ANKRD24: variants seen among roughly 807,000 people sequenced by gnomAD.
The protein encoded by ANKRD24 is ankyrin repeat domain 24.
Under a neutral mutation model 127.8 loss-of-function variants are expected in ANKRD24, and 109 were observed. That is an observed-to-expected ratio of 0.85 (90% CI 0.73 to 1.00). The LOEUF is 1.00. ANKRD24 is among the 50% of genes least tolerant of loss of function. ANKRD24 has a pLI of 0.00. For synonymous variants in ANKRD24, 743 were observed against 671.1 expected (o/e 1.11, Z -1.66); for missense variants, 1,648 against 1,570.2 (o/e 1.05, Z -0.84).
chr19:4,224,181 T>C lies in ANKRD24; in HGVS notation c.3352T>C (p.Tyr1118His), dbSNP rs747860390. 6 of 1,611,758 alleles carry C rather than the reference T, an allele frequency of 3.7e-6. No individual in the cohort carries two copies. In the South Asian group the frequency reaches 4.4e-5, roughly 12 times the overall value. Residue 1118 changes from tyrosine to histidine, a missense_variant, in exon 21 of 22, where the codon TAT (tyrosine) becomes CAT (histidine). Transcript: ENST00000318934. ...VVALYRSHLL[Y>H]AIQGQMDEDV... Reference sequence around the variant, plus strand: ...GGCTTTGTACAGAAGCCACCTCCTATATGCCATTCAGGTGAGTGGCCCAGC... The same window carrying C: ...GGCTTTGTACAGAAGCCACCTCCTACATGCCATTCAGGTGAGTGGCCCAGC...
intron 20 of ANKRD24, 66 bp from the exon 21 acceptor site, chr19:4,224,061 T>C (rs1719584975): frequency 1.4e-5 from 19 of 1,379,900 alleles, no homozygotes; most frequent in Middle Eastern, 1.8e-4. Flanking sequence ...AGGGTGCTTT[T>C]TGGTGTGTTT....
chr19:4,217,289 T>C lies in ANKRD24; in HGVS notation c.2129T>C (p.Leu710Pro), dbSNP rs1384474223. The C allele has an allele frequency of 6.4e-7, 1 of 1,556,948 alleles. No homozygotes were observed. The change falls in exon 18 of 22, where the codon CTA (leucine) becomes CCA (proline). Residue 710 changes from leucine (L) to proline (P), a missense_variant. Transcript: ENST00000318934. ...CCGGGGATCTCTGCTGGCCCCATCC[T>C]ACATCCTGGTGCCGCAGAGGCCTCG... is the stretch of plus-strand genomic sequence containing the variant. ...TVPGISAGPI[L>P]HPGAAEASEK...
Position 4,210,094 on chromosome 19 carries a change from A to C in ANKRD24, c.907A>C (p.Lys303Gln). The stretch of plus-strand genomic sequence containing the variant: ...CAGCCATGGAAAGCAGGGGGCCCCC[A>C]AGAAGCGGAAGGCGCCTCCACCTCC... ...MSSHGKQGAP[K>Q]KRKAPPPPAS... Residue 303 changes from lysine to glutamine, a missense_variant, in exon 12 of 22, where the codon AAG becomes CAG. Lys to Gln is a moderately conservative substitution (Grantham distance 53, BLOSUM62 1). Transcript: ENST00000318934. 6.2e-7 allele frequency: 1 copy of C among 1,612,536 alleles called. No individual in the cohort carries two copies. The highest frequency in any genetic ancestry group is 1.1e-5 in the South Asian group (1 of 90,774).
chr19:4,207,541 A>C lies in ANKRD24; in HGVS notation c.578A>C (p.His193Pro). 1 of 1,613,906 alleles carries C rather than the reference A, an allele frequency of 6.2e-7. No homozygotes were observed. The highest frequency in any genetic ancestry group is 8.5e-7 in the Non-Finnish European group (1 of 1,179,886). Residue 193 changes from histidine (H) to proline (P), a missense_variant, in exon 9 of 22, where the codon CAC (histidine) becomes CCC (proline). Coordinates refer to ENST00000318934, the MANE Select transcript of ANKRD24 (RefSeq NM_001393985.1). ...TPLIIAAQMC[H>P]TDLCRLLLQQ... The stretch of plus-strand genomic sequence containing the variant: ...CTCATTATAGCAGCTCAGATGTGTC[A>C]CACAGACCTGTGCCGTCTCCTACTG...
intron 2 of ANKRD24, among the ~76,000 whole-genome samples, chr19:4,189,592 T>C (rs1800156242): frequency 6.6e-6 from 1 of 151,382 alleles, no homozygotes; most frequent in Admixed American, 6.6e-5. Flanking sequence ...CACTATGTTG[T>C]CCAGGCTGGT....
rs185517400 is a variant in ANKRD24, at chr19:4,201,957, A to C, written c.344-69A>C. 1.7e-5 allele frequency: 23 copies of C among 1,381,450 alleles called. No individual in the cohort carries two copies. In the South Asian group the frequency reaches 2.6e-4, roughly 15 times the overall value. 85.6% of individuals were successfully genotyped at this position (1,381,450 alleles called of 1,614,324 possible). A position where few individuals can be genotyped will look rare whatever the true frequency, so the allele number is the denominator to read the frequency against. ...CAGAAACTCATCACAAGTAGTTGACATGGCTTGGGGAGCAGCTGGGAGCTA... is the reference window on the plus strand; with the variant it reads ...CAGAAACTCATCACAAGTAGTTGACCTGGCTTGGGGAGCAGCTGGGAGCTA... On this transcript the variant is annotated intron_variant, in intron 5 of 21. Transcript: ENST00000318934.
At chr19:4,208,479 C>T (rs754839446) in intron 10 of ANKRD24, among the ~76,000 whole-genome samples, 3 of 152,020 alleles carry the variant, frequency 2.0e-5, no homozygotes, top group East Asian at 3.9e-4. Context: ...GTCGGGGTTT[C>T]GCCACGTTGG....
chr19:4,198,019 G>C lies in ANKRD24; in HGVS notation c.37-1664G>C, dbSNP rs1316788325. 1 of 408,768 alleles carries C rather than the reference G, an allele frequency of 2.4e-6. No individual in the cohort carries two copies. The highest frequency in any genetic ancestry group is 4.3e-6 in the Non-Finnish European group (1 of 231,098). The allele number at this position is 408,768 out of a possible 1,614,324, so 25.3% of individuals were successfully genotyped here. A position where few individuals can be genotyped will look rare whatever the true frequency, so the allele number is the denominator to read the frequency against. ...TGAGTGAATGAATGAAAGTGTGAGT[G>C]GCGAGAGCCCTGCCGGCCGCGTGGA... is the stretch of plus-strand genomic sequence containing the variant. On this transcript the variant is annotated intron_variant, in intron 2 of 21. Coordinates refer to ENST00000318934, the MANE Select transcript of ANKRD24 (RefSeq NM_001393985.1). The surrounding 1 kb of genome is among the most constrained non-coding windows in gnomAD (Gnocchi z 6.1).
Position 4,217,476 on chromosome 19 carries a change from G to A in ANKRD24, c.2316G>A (p.Glu772=). Reference sequence around the variant, plus strand: ...TGCGAGAGCGTGTCCGCGAGGCCGAGGGCAGCGGGGCCAGCGGGGGCGGTG... The same window carrying A: ...TGCGAGAGCGTGTCCGCGAGGCCGAAGGCAGCGGGGCCAGCGGGGGCGGTG... ...GRLRERVREA[E]GSGASGGGGG... is the part of the protein sequence containing the mutation. The change falls in exon 18 of 22, where the codon GAG becomes GAA. Residue 772 remains glutamate (E), a synonymous_variant. Coordinates refer to ENST00000318934, the MANE Select transcript of ANKRD24 (RefSeq NM_001393985.1). 6.9e-7 allele frequency: 1 copy of A among 1,440,696 alleles called. No individual in the cohort carries two copies. The highest frequency in any genetic ancestry group is 9.1e-7 in the Non-Finnish European group (1 of 1,101,792). The allele number at this position is 1,440,696 out of a possible 1,614,324, so 89.2% of individuals were successfully genotyped here.
chr19:4,203,957 CTTTTTTTTTT>C (rs34885254), intron 7 of ANKRD24, among the ~76,000 whole-genome samples: 20 of 62,400 alleles, frequency 3.2e-4, no homozygotes, highest in African/African-American at 1.2e-3. Context: ...GCCCTTCTCC[CTTTTTTTTTT>C]TTTTTTTTTT....
At chr19:4,204,269 CTTT>C (rs1278497182) in intron 7 of ANKRD24, among the ~76,000 whole-genome samples, 1 of 152,034 alleles carries the variant, frequency 6.6e-6, no homozygotes, top group Non-Finnish European at 1.5e-5. Context: ...GGCCCTTCTC[CTTT>C]TTTATTACCT....
chr19:4,203,071 G>C lies in ANKRD24; in HGVS notation c.466+145G>C, dbSNP rs1029652265. ...TTCTTTCTTTTTTTTTTTTTGAGAC[G>C]GAGTCTCACTCTGTTGCCCAGGCTG... On this transcript the variant is annotated intron_variant, in intron 7 of 21. Coordinates refer to ENST00000318934, the MANE Select transcript of ANKRD24 (RefSeq NM_001393985.1). 3.6e-5 allele frequency: 25 copies of C among 692,730 alleles called. No individual in the cohort carries two copies. The African/African-American group carries it at 4.7e-4, about 13-fold the overall frequency. The allele number at this position is 692,730 out of a possible 1,614,324, so 42.9% of individuals were successfully genotyped here.
At chr19:4,221,714 C>T (rs776102078) in intron 19 of ANKRD24, among the ~76,000 whole-genome samples, 6 of 152,158 alleles carry the variant, frequency 3.9e-5, no homozygotes, top group African/African-American at 7.2e-5. Context: ...AGACACTTCA[C>T]CTCTCTGAGC....
chr19:4,197,843 G>A (rs913678431), intron 2 of ANKRD24, among the ~76,000 whole-genome samples: 2 of 152,118 alleles, frequency 1.3e-5, no homozygotes, highest in African/African-American at 2.4e-5. Flanking sequence ...AAGGGTGAGC[G>A]AATAAACAAA....
At chr19:4,190,423 CG>C (rs1968319991) in intron 2 of ANKRD24, among the ~76,000 whole-genome samples, 1 of 144,182 alleles carries the variant, frequency 6.9e-6, no homozygotes. Context: ...GACTCCGTCT[CG>C]AAAAAAAAAA....
At chr19:4,194,610 A>G (rs1212446241) in intron 2 of ANKRD24, among the ~76,000 whole-genome samples, 1 of 152,160 alleles carries the variant, frequency 6.6e-6, no homozygotes, top group Non-Finnish European at 1.5e-5. Context: ...TTGCATTTTA[A>G]GCTGAGTGAG....
In ANKRD24 at chr19:4,207,085, C is replaced by CTT. The variant is rs34475477; in HGVS notation, c.467-140_467-139dup. The CTT allele has an allele frequency of 1.6e-3, 667 of 430,298 alleles. 1 individual carries two copies. Among genetic ancestry groups the CTT allele is most frequent in the South Asian group, 2.7e-3 (110 of 40,098 alleles). The allele number at this position is 430,298 out of a possible 1,614,324, so 26.7% of individuals were successfully genotyped here. A position where few individuals can be genotyped will look rare whatever the true frequency, so the allele number is the denominator to read the frequency against. ...CACCACCACACCCAGATAATGTTTG[C>CTT]TTTTTTTTTTTTTTTTTTGTAGAGA... On this transcript the variant is annotated intron_variant, in intron 7 of 21. Transcript: ENST00000318934.
At chr19:4,220,507 C>T (rs954861572) in intron 19 of ANKRD24, among the ~76,000 whole-genome samples, 2 of 152,140 alleles carry the variant, frequency 1.3e-5, no homozygotes, top group Non-Finnish European at 2.9e-5. Flanking sequence ...ATAACAACAG[C>T]CTCCAGGTGT....
At position 4,217,513 on chromosome 19, in the gene ANKRD24, A is replaced by T. The variant is rs12980998; in HGVS notation, c.2353A>T (p.Thr785Ser). Residue 785 changes from threonine to serine, a missense_variant, in exon 18 of 22, where the codon ACA becomes TCA. Coordinates refer to ENST00000318934, the MANE Select transcript of ANKRD24 (RefSeq NM_001393985.1). The part of the protein sequence containing the change: ...GASGGGGGDT[T>S]QLRAALEQAR... The stretch of plus-strand genomic sequence containing the variant: ...CAGCGGGGGCGGTGGCGGTGACACC[A>T]CACAGCTGCGGGCGGCCCTGGAGCA... 0.2 allele frequency: 277,633 copies of T among 1,389,306 alleles called. 28,789 individuals carry two copies. The highest frequency in any genetic ancestry group is 0.33 in the East Asian group (11,048 of 33,880). 86.1% of individuals were successfully genotyped at this position (1,389,306 alleles called of 1,614,324 possible). A position where few individuals can be genotyped will look rare whatever the true frequency, so the allele number is the denominator to read the frequency against.
Sources: gnomAD v4.1 joint callset for allele counts (sites outside exome capture counted in the v4.1 genomes callset) on GRCh38, gnomAD v4.1.1 for gene constraint, Gnocchi (gnomAD v3.1) non-coding constraint, MANE v1.5 for transcripts, NCBI Gene and HGNC (gene_info 2026-07-23, HGNC 2026-07-21) for gene names.